FRMPD4: variants seen among roughly 807,000 people sequenced by gnomAD.
The protein encoded by FRMPD4 is FERM and PDZ domain-containing protein 4.
FRMPD4 carries 22 observed loss-of-function variants against 94.1 expected under a neutral mutation model. The ratio of observed to expected loss-of-function variants is 0.23; its 90% CI spans 0.17 to 0.33. FRMPD4 has a LOEUF of 0.33. Among genes scored for constraint, FRMPD4 ranks in the 10% least tolerant of loss-of-function variants. The probability of loss-of-function intolerance (pLI) is 1.00; values close to 1 mark genes in which losing one functional copy is unlikely to be tolerated. For missense variants in FRMPD4, 1,111 were observed against 1,339.9 expected, an observed-to-expected ratio of 0.83 and a Z score of 2.67; for synonymous variants, 631 against 548.6, an observed-to-expected ratio of 1.15 and a Z score of -2.10.
intron 4 of FRMPD4, among the ~76,000 whole-genome samples, chrX:12,632,580 G>C (rs1157533674): frequency 3.6e-5 from 4 of 112,111 alleles, no homozygotes; most frequent in Admixed American, 1.9e-4. Context: ...TTCCCCAATG[G>C]TGGGAATGTT....
Position 12,256,587 on chromosome X carries a change from TAGTC to T in FRMPD4, c.41+117578_41+117581del, listed in dbSNP as rs751736425. Among the ~76,000 whole-genome samples, 6 of 111,971 alleles carry T rather than the reference TAGTC, an allele frequency of 5.4e-5. No individual in the cohort carries two copies. In the East Asian group the frequency reaches 1.4e-3, roughly 26 times the overall value. The stretch of plus-strand genomic sequence containing the variant: ...AAAGACTATGACCAGGAAACAGTAA[TAGTC>T]AGGCCTGTTCATAAAGTGCTCTTGA... On this transcript the variant is annotated intron_variant, in intron 1 of 16. Coordinates refer to ENST00000675598, the MANE Select transcript of FRMPD4 (RefSeq NM_001368397.1).
chrX:11,982,956 A>G (rs1235872507), intron 3 of FRMPD4, among the ~76,000 whole-genome samples: 3 of 111,834 alleles, frequency 2.7e-5, no homozygotes, highest in Non-Finnish European at 5.7e-5. Context: ...ATTTTTCACT[A>G]GATCTCTTGT....
At chrX:12,481,723 C>G (rs996821243) in intron 1 of FRMPD4, among the ~76,000 whole-genome samples, 3 of 107,950 alleles carry the variant, frequency 2.8e-5, no homozygotes, top group Admixed American at 2.0e-4. Flanking sequence ...GGGTGGATCA[C>G]TAGGTCAGGA....
chrX:12,717,193 C>A, intron 15 of FRMPD4, 60 bp downstream of exon 15: 2 of 797,010 alleles, frequency 2.5e-6, no homozygotes, highest in South Asian at 2.6e-5. Context: ...CCTTCCAAGC[C>A]ATTTGCCCCT....
intron 1 of FRMPD4, among the ~76,000 whole-genome samples, chrX:11,849,805 G>A (rs993148242): frequency 3.6e-5 from 4 of 110,302 alleles, no homozygotes; most frequent in Non-Finnish European, 7.6e-5. Flanking sequence ...CTAAACATAT[G>A]TGCTAAAACT....
chrX:12,428,327 GTTTA>G lies in FRMPD4; in HGVS notation c.42-70349_42-70346del, dbSNP rs1434647838. 3.1e-4 allele frequency among the ~76,000 whole-genome samples: 35 copies of G among 111,173 alleles called. No homozygotes were observed. The South Asian group carries it at 0.012, about 38-fold the overall frequency. ...TTTTGGTTTTATAATTGCTTTTTGT[GTTTA>G]TTTGTTTCTTAACCATCTGGAAAAG... On this transcript the variant is annotated intron_variant, in intron 1 of 16. Coordinates refer to ENST00000675598, the MANE Select transcript of FRMPD4 (RefSeq NM_001368397.1).
chrX:12,010,623 A>T (rs1352702384), intron 3 of FRMPD4, among the ~76,000 whole-genome samples: 1 of 112,426 alleles, frequency 8.9e-6, no homozygotes, highest in African/African-American at 3.2e-5. Flanking sequence ...TCTGTTTTCA[A>T]TAAAACTTTA....
rs2053566219 is a variant in FRMPD4 at position 11,845,095 on chromosome X, A to C, written c.-160-19991A>C. 2.7e-5 allele frequency among the ~76,000 whole-genome samples: 3 copies of C among 112,182 alleles called. No individual in the cohort carries two copies. In the Admixed American group the frequency reaches 2.8e-4, roughly 11 times the overall value. On this transcript the variant is annotated intron_variant, in intron 1 of 18. Transcript: ENST00000640291. ...AAACTCTTCATTCATTGAGTTATTG[A>C]TATCATACTTTAATTGTTTCAGTAT...
At chrX:11,921,857 G>C (rs781185097) in intron 3 of FRMPD4, among the ~76,000 whole-genome samples, 1 of 112,074 alleles carries the variant, frequency 8.9e-6, no homozygotes, top group Non-Finnish European at 1.9e-5. Flanking sequence ...ATAAAAATTT[G>C]TTTCTTGCTT....
At chrX:12,106,999 C>A (rs2055305438) in intron 3 of FRMPD4, among the ~76,000 whole-genome samples, 1 of 112,026 alleles carries the variant, frequency 8.9e-6, no homozygotes, top group South Asian at 3.7e-4. Flanking sequence ...CAAAAGGCAG[C>A]AGAAACCTCT....
intron 1 of FRMPD4, among the ~76,000 whole-genome samples, chrX:12,454,829 T>TC (rs1196583589): frequency 2.8e-5 from 3 of 108,044 alleles, no homozygotes; most frequent in African/African-American, 1.0e-4. Context: ...TTTTTTTTTT[T>TC]TTAAAGCTCT....
chrX:12,002,394 C>T (rs1409333966), intron 3 of FRMPD4, among the ~76,000 whole-genome samples: 1 of 111,682 alleles, frequency 9.0e-6, no homozygotes, highest in Non-Finnish European at 1.9e-5. Flanking sequence ...AGCATTATTC[C>T]TAGAATTGTA....
chrX:12,270,448 C>G lies in FRMPD4; in HGVS notation c.41+131436C>G, dbSNP rs755038011. Reference sequence around the variant, plus strand: ...GGGAATTGCAAGAGGGGAGAAAATACAGAGCAGTCTTGATATTGCAATTAA... The same window carrying G: ...GGGAATTGCAAGAGGGGAGAAAATAGAGAGCAGTCTTGATATTGCAATTAA... On this transcript the variant is annotated intron_variant, in intron 1 of 16. Transcript: ENST00000675598. Among the ~76,000 whole-genome samples, 12 of 111,210 alleles carry G rather than the reference C, an allele frequency of 1.1e-4. No individual in the cohort carries two copies. The South Asian group carries it at 1.1e-3, about 10-fold the overall frequency.
At chrX:12,388,581 G>C (rs1214943499) in intron 1 of FRMPD4, among the ~76,000 whole-genome samples, 2 of 105,229 alleles carry the variant, frequency 1.9e-5, no homozygotes, top group African/African-American at 7.0e-5. Flanking sequence ...CTCCAGCCTG[G>C]GTGACAGTGA....
At chrX:12,124,823 A>G (rs766909528) in intron 3 of FRMPD4, among the ~76,000 whole-genome samples, 100 of 111,780 alleles carry the variant, frequency 8.9e-4, no homozygotes, top group African/African-American at 3.2e-3. Flanking sequence ...GTGGCTCACC[A>G]TGGTAGCCAC....
chrX:11,829,671 T>G (rs1008429506), intron 1 of FRMPD4, among the ~76,000 whole-genome samples: 9 of 112,145 alleles, frequency 8.0e-5, no homozygotes, highest in Non-Finnish European at 1.5e-4. Context: ...TTCCTTAGAT[T>G]CTGTCTCTGA....
intron 2 of FRMPD4, among the ~76,000 whole-genome samples, chrX:12,581,644 C>A (rs1387870227): frequency 9.0e-6 from 1 of 111,605 alleles, no homozygotes; most frequent in Non-Finnish European, 1.9e-5. Context: ...AATGTCTTAC[C>A]AGGCCTCGTG....
chrX:12,633,389 C>T (rs1184828073), intron 4 of FRMPD4, among the ~76,000 whole-genome samples: 1 of 111,486 alleles, frequency 9.0e-6, no homozygotes, highest in Non-Finnish European at 1.9e-5. Context: ...TTCCAGGAAT[C>T]CTTAGACAAT....
chrX:12,336,251 G>C (rs1421524693), intron 1 of FRMPD4, among the ~76,000 whole-genome samples: 1 of 111,481 alleles, frequency 9.0e-6, no homozygotes, highest in African/African-American at 3.3e-5. Context: ...ATATATCTCT[G>C]TCCAATTTCA....
Sources: allele counts gnomAD v4.1 joint callset (sites outside exome capture counted in the v4.1 genomes callset), GRCh38; gene constraint gnomAD v4.1.1; transcripts MANE v1.5; gene names NCBI Gene and HGNC (gene_info 2026-07-23, HGNC 2026-07-21).